MMEL1: variants seen among roughly 807,000 people sequenced by gnomAD.
MMEL1 encodes the protein membrane metalloendopeptidase like 1, also known as membrane metallo-endopeptidase-like 1.
MMEL1 carries 98 observed loss-of-function variants against 117.1 expected under a neutral mutation model. The ratio of observed to expected loss-of-function variants is 0.84; its 90% CI spans 0.71 to 0.99. MMEL1 has a LOEUF of 0.99. MMEL1 is among the 50% of genes least tolerant of loss of function. The pLI is 0.00. For missense variants in MMEL1, 1,014 were observed against 1,049.1 expected, an observed-to-expected ratio of 0.97 and a Z score of 0.46; for synonymous variants, 390 against 415.1, an observed-to-expected ratio of 0.94 and a Z score of 0.74.
rs557533195 is a variant in MMEL1, at chr1:2,592,690, T to C, written c.2032A>G (p.Ile678Val). The C allele has an allele frequency of 1.9e-5, 30 of 1,543,772 alleles. No homozygotes were observed. The South Asian group carries it at 3.1e-4, about 16-fold the overall frequency. The change falls in exon 21 of 24, where the codon ATT becomes GTT. Residue 678 changes from isoleucine (I) to valine (V), a missense_variant. Transcript: ENST00000378412. Reference sequence around the variant, plus strand: ...TGCCGCACCCCTCCGTTGTCAGCAATGTTTTCCCCAAGGGTGTTGAATCCG... The same window carrying C: ...TGCCGCACCCCTCCGTTGTCAGCAACGTTTTCCCCAAGGGTGTTGAATCCG... ...VNGFNTLGENIADNGGVRQAY... is the reference protein window; with the variant it reads ...VNGFNTLGENVADNGGVRQAY...
chr1:2,603,129 G>A (rs1644961128), intron 11 of MMEL1, among the ~76,000 whole-genome samples: 1 of 152,172 alleles, frequency 6.6e-6, no homozygotes, highest in East Asian at 1.9e-4. Context: ...GCCCTGGGGC[G>A]AGGCTCTCCC....
At chr1:2,603,610 T>A (rs923132184) in intron 11 of MMEL1, among the ~76,000 whole-genome samples, 3 of 151,828 alleles carry the variant, frequency 2.0e-5, no homozygotes, top group African/African-American at 4.8e-5. Context: ...CTCCGTTTCC[T>A]GCTCAGAAGA....
chr1:2,630,368 A>C (rs1473251107), intron 1 of MMEL1, among the ~76,000 whole-genome samples: 1 of 151,522 alleles, frequency 6.6e-6, no homozygotes, highest in Admixed American at 6.6e-5. Flanking sequence ...GTGTGTGCAT[A>C]TGTTCTGATG....
In MMEL1 at chr1:2,606,254, G is replaced by A; in HGVS notation, c.744C>T (p.Ile248=). Residue 248 remains isoleucine, a synonymous_variant, in exon 8 of 24, where the codon ATC becomes ATT. Transcript: ENST00000378412. ...WNDDQNSSRH[I]IYIDQPTLGM... ...CCACCGGCGCGGCTCGTACGTAGAT[G>A]ATGTGCCGGCTGGAGTTCTGGTCGT... 6.2e-7 allele frequency: 1 copy of A among 1,613,112 alleles called. No individual in the cohort carries two copies. Among genetic ancestry groups the A allele is most frequent in the Non-Finnish European group, 8.5e-7 (1 of 1,179,672 alleles).
At chr1:2,620,970 C>T (rs1420985961) in intron 2 of MMEL1, among the ~76,000 whole-genome samples, 2 of 152,134 alleles carry the variant, frequency 1.3e-5, no homozygotes, top group Non-Finnish European at 2.9e-5. Flanking sequence ...AATTCAGGCA[C>T]AGCTGACCAG....
chr1:2,598,820 GGA>G (rs532677907), intron 11 of MMEL1, 30 bp from the exon 12 acceptor site: 1,341 of 1,561,254 alleles, frequency 8.6e-4, no homozygotes, highest in South Asian at 1.8e-3. Context: ...GGAGAAAGAG[GGA>G]GAGAGAGAGA....
In MMEL1 at chr1:2,596,062, G is replaced by C. The variant is rs143848131; in HGVS notation, c.1447C>G (p.Leu483Val). 1.2e-6 allele frequency: 2 copies of C among 1,614,058 alleles called. No individual in the cohort carries two copies. Among genetic ancestry groups the C allele is most frequent in the Non-Finnish European group, 1.7e-6 (2 of 1,179,974 alleles). Reference sequence around the variant, plus strand: ...TCGTCCATCCAGCCCAGCTCGTCCAGCGTCTCCACAAACACTGTCCGCACC... The same window carrying C: ...TCGTCCATCCAGCCCAGCTCGTCCACCGTCTCCACAAACACTGTCCGCACC... ...DKVRTVFVET[L>V]DELGWMDEES... Residue 483 changes from leucine to valine, a missense_variant, in exon 15 of 24, where the codon CTG becomes GTG. Physicochemically the swap from Leu to Val is conservative, Grantham distance 32. Coordinates refer to ENST00000378412, the MANE Select transcript of MMEL1 (RefSeq NM_033467.4).
At chr1:2,600,913 A>G (rs1218912538) in intron 11 of MMEL1, among the ~76,000 whole-genome samples, 1 of 152,232 alleles carries the variant, frequency 6.6e-6, no homozygotes, top group Admixed American at 6.5e-5. Context: ...AATATGTATA[A>G]GAACTTGACA....
In MMEL1 at chr1:2,594,389, C is replaced by T; in HGVS notation, c.1743G>A (p.Gln581=). Residue 581 remains glutamine (Q), a synonymous_variant, in exon 18 of 24, where the codon CAG becomes CAA. Transcript: ENST00000378412. ...CAGGGAGGGGGAGGAACTTACCAATCTGGTTTCGGTTTGGGGAGTAGAACG... is the reference window on the plus strand; with the variant it reads ...CAGGGAGGGGGAGGAACTTACCAATTTGGTTTCGGTTTGGGGAGTAGAACG... ...VNAFYSPNRN[Q]IVFPAGILQP... The T allele has an allele frequency of 1.3e-6, 2 of 1,551,862 alleles. No homozygotes were observed. The highest frequency in any genetic ancestry group is 1.7e-6 in the Non-Finnish European group (2 of 1,147,026).
At chr1:2,608,966 AACAC>A (rs1557542253) in intron 6 of MMEL1, among the ~76,000 whole-genome samples, 1 of 151,994 alleles carries the variant, frequency 6.6e-6, no homozygotes, top group Non-Finnish European at 1.5e-5. Flanking sequence ...ATATACACAC[AACAC>A]ACACATATGC....
In MMEL1 at chr1:2,603,810, T is replaced by C; in HGVS notation, c.1041+74A>G. The C allele has an allele frequency of 5.0e-6, 7 of 1,410,238 alleles. No individual in the cohort carries two copies. In the South Asian group the frequency reaches 8.4e-5, roughly 17 times the overall value. 87.4% of individuals were successfully genotyped at this position (1,410,238 alleles called of 1,614,324 possible). A position where few individuals can be genotyped will look rare whatever the true frequency, so the allele number is the denominator to read the frequency against. ...CTTAAATGCCAGGCAACGTGCCCTC[T>C]CAGAGGGCCGCTTCCATGTCCCCCA... On this transcript the variant is annotated intron_variant, in intron 11 of 23. Coordinates refer to ENST00000378412, the MANE Select transcript of MMEL1 (RefSeq NM_033467.4).
Position 2,591,944 on chromosome 1 carries a change from G to A in MMEL1, c.2151C>T (p.Ile717=). Reference sequence around the variant, plus strand: ...CTGCGGCTGCCACCTGGGCATAGTTGATGAAGAAGAGCTGCTCATGGGTGA... The same window carrying A: ...CTGCGGCTGCCACCTGGGCATAGTTAATGAAGAAGAGCTGCTCATGGGTGA... ...LDLTHEQLFF[I]NYAQVWCGSY... is the part of the protein sequence containing the mutation. Residue 717 remains isoleucine (I), a synonymous_variant, in exon 22 of 24, where the codon ATC becomes ATT. Coordinates refer to ENST00000378412, the MANE Select transcript of MMEL1 (RefSeq NM_033467.4). 6.2e-7 allele frequency: 1 copy of A among 1,613,360 alleles called. No individual in the cohort carries two copies. The highest frequency in any genetic ancestry group is 8.5e-7 in the Non-Finnish European group (1 of 1,179,766).
chr1:2,595,841 C>T lies in MMEL1; in HGVS notation c.1500+168G>A, dbSNP rs1318944624. Reference sequence around the variant, plus strand: ...GCGCCTCCCGGGGCTGCCTTCTCCCCGTGGGGTCCTGTCTGCGCCTCCCGG... The same window carrying T: ...GCGCCTCCCGGGGCTGCCTTCTCCCTGTGGGGTCCTGTCTGCGCCTCCCGG... On this transcript the variant is annotated intron_variant, in intron 15 of 23. Transcript: ENST00000378412. The surrounding 1 kb of genome is among the most constrained non-coding windows in gnomAD (Gnocchi z 4.8). Among the ~76,000 whole-genome samples, 2 of 148,190 alleles carry T rather than the reference C, an allele frequency of 1.3e-5. No homozygotes were observed. Among genetic ancestry groups the T allele is most frequent in the East Asian group, 2.0e-4 (1 of 5,124 alleles).
At chr1:2,624,950 G>A (rs1311119332) in intron 2 of MMEL1, among the ~76,000 whole-genome samples, 2 of 152,160 alleles carry the variant, frequency 1.3e-5, no homozygotes, top group South Asian at 2.1e-4. Flanking sequence ...GCGCGAAGGG[G>A]GAGGAGCTGC....
chr1:2,629,568 C>T (rs998730501), intron 1 of MMEL1, 47 bp from the exon 2 acceptor site: 9 of 1,357,008 alleles, frequency 6.6e-6, no homozygotes, highest in Admixed American at 6.7e-5. Context: ...TGGAGCTCCC[C>T]GAGCCCGGCC....
chr1:2,595,193 G>T lies in MMEL1; in HGVS notation c.1584+83C>A. The T allele has an allele frequency of 7.7e-7, 1 of 1,292,630 alleles. No individual in the cohort carries two copies. The highest frequency in any genetic ancestry group is 1.1e-6 in the Non-Finnish European group (1 of 908,396). The allele number at this position is 1,292,630 out of a possible 1,614,324, so 80.1% of individuals were successfully genotyped here. On this transcript the variant is annotated intron_variant, in intron 16 of 23. Coordinates refer to ENST00000378412, the MANE Select transcript of MMEL1 (RefSeq NM_033467.4). This position sits in a 1 kb window ranked among gnomAD's most constrained non-coding sequence, Gnocchi z 4.8. The stretch of plus-strand genomic sequence containing the variant: ...TTAGCGCCTGGGAGGAGGGCACAGA[G>T]CTTGGCACAGAGGAGCCCCCAGGCA...
chr1:2,606,969 C>T lies in MMEL1; in HGVS notation c.631+5G>A. ...CTGTGAGGCTGCTGCCAGGCCCGGC[C>T]TTACCTACGGTCTCGTTCCACCTGT... On this transcript the variant is annotated splice_donor_5th_base_variant and intron_variant, in intron 7 of 23. Transcript: ENST00000378412. 2 of 1,611,720 alleles carry T rather than the reference C, an allele frequency of 1.2e-6. No individual in the cohort carries two copies. The highest frequency in any genetic ancestry group is 1.7e-6 in the Non-Finnish European group (2 of 1,179,624).
In MMEL1 at chr1:2,632,924, G is replaced by A; in HGVS notation, c.-96C>T. The A allele has an allele frequency of 1.0e-6, 1 of 985,730 alleles. No homozygotes were observed. The highest frequency in any genetic ancestry group is 1.2e-6 in the Non-Finnish European group (1 of 830,098). 61.1% of individuals were successfully genotyped at this position (985,730 alleles called of 1,614,324 possible). A position where few individuals can be genotyped will look rare whatever the true frequency, so the allele number is the denominator to read the frequency against. ...TCAGGCCCCTGGAGACTGGGTCCCA[G>A]TGGGTTGGAGTTGGGGTGAGCTGGG... On this transcript the variant is annotated 5_prime_UTR_variant, in exon 1 of 24. Coordinates refer to ENST00000378412, the MANE Select transcript of MMEL1 (RefSeq NM_033467.4).
chr1:2,618,865 A>G (rs1462394735), intron 2 of MMEL1, among the ~76,000 whole-genome samples: 1 of 152,250 alleles, frequency 6.6e-6, no homozygotes, highest in Non-Finnish European at 1.5e-5. Flanking sequence ...AAGATTGCCA[A>G]TTAGGAATGA....
Sources: gnomAD v4.1 joint callset for allele counts (sites outside exome capture counted in the v4.1 genomes callset) on GRCh38, gnomAD v4.1.1 for gene constraint, Gnocchi (gnomAD v3.1) non-coding constraint, MANE v1.5 for transcripts, NCBI Gene and HGNC (gene_info 2026-07-23, HGNC 2026-07-21) for gene names.